PITPNA: variants seen among roughly 807,000 people sequenced by gnomAD.
PITPNA encodes phosphatidylinositol transfer protein alpha isoform.
A neutral mutation model predicts 50.3 loss-of-function variants in PITPNA; 13 were observed. The observed-to-expected ratio is 0.26, with a 90% CI of 0.17 to 0.41. The LOEUF is 0.41. Ranked by LOEUF, PITPNA falls within the 10% of genes least tolerant of loss-of-function variation. The pLI is 1.00. For synonymous variants in PITPNA, 120 were observed against 119.6 expected (o/e 1.00, Z -0.02); for missense variants, 207 against 333.4 (o/e 0.62, Z 2.95).
At chr17:1,524,694 A>C (rs186389027) in intron 10 of PITPNA, among the ~76,000 whole-genome samples, 2 of 152,092 alleles carry the variant, frequency 1.3e-5, no homozygotes, top group African/African-American at 4.8e-5. Flanking sequence ...AAAAATACAA[A>C]AAATATTATC....
At chr17:1,529,351 CCTCT>C (rs753537071) in intron 10 of PITPNA, among the ~76,000 whole-genome samples, 3 of 151,130 alleles carry the variant, frequency 2.0e-5, no homozygotes, top group African/African-American at 7.3e-5. Context: ...GGTGAAACCC[CCTCT>C]CTATTAAAAA....
In PITPNA at chr17:1,562,498, A is replaced by AC. The variant is rs752079767; in HGVS notation, c.20+42dup. ...CGCCGTCGCCCCGGCGGCCGTCCCC[A>AC]CCCTCCCTCCTCCCCGCTTCCGCAC... On this transcript the variant is annotated intron_variant, in intron 1 of 11. Transcript: ENST00000313486. This position sits in a 1 kb window ranked among gnomAD's most constrained non-coding sequence, Gnocchi z 6.4. 5.0e-6 allele frequency: 5 copies of AC among 1,009,044 alleles called. No individual in the cohort carries two copies. The South Asian group carries it at 8.4e-5, about 17-fold the overall frequency. The allele number at this position is 1,009,044 out of a possible 1,614,324, so 62.5% of individuals were successfully genotyped here. A position where few individuals can be genotyped will look rare whatever the true frequency, so the allele number is the denominator to read the frequency against.
chr17:1,529,664 G>A (rs1392927861), intron 10 of PITPNA, among the ~76,000 whole-genome samples: 7 of 151,854 alleles, frequency 4.6e-5, no homozygotes, highest in East Asian at 3.9e-4. Flanking sequence ...AGACCAGCCC[G>A]GGCAACATGG....
chr17:1,536,937 C>T (rs1358455402), intron 7 of PITPNA, among the ~76,000 whole-genome samples: 4 of 135,120 alleles, frequency 3.0e-5, no homozygotes, highest in Admixed American at 1.5e-4. Flanking sequence ...TTCGCTCTGT[C>T]GCCCAGGATG....
At chr17:1,547,465 C>A (rs923000947) in intron 4 of PITPNA, among the ~76,000 whole-genome samples, 36 of 152,100 alleles carry the variant, frequency 2.4e-4, no homozygotes, top group Non-Finnish European at 8.8e-5. Flanking sequence ...GCCTGGCCAA[C>A]ATGGTGAAAC....
intron 2 of PITPNA, among the ~76,000 whole-genome samples, chr17:1,554,085 T>C (rs2075723074): frequency 6.6e-6 from 1 of 152,194 alleles, no homozygotes; most frequent in South Asian, 2.1e-4. Context: ...GATGGGCCAA[T>C]GACCTAGGCA....
At chr17:1,541,493 T>G (rs994084032) in intron 6 of PITPNA, 73 bp downstream of exon 6, 1 of 1,072,148 alleles carries the variant, frequency 9.3e-7, no homozygotes, top group Non-Finnish European at 1.5e-6. Context: ...GAGGACCCCA[T>G]GGTAGCCCTG....
intron 4 of PITPNA, among the ~76,000 whole-genome samples, chr17:1,546,434 C>A (rs760210610): frequency 2.6e-5 from 4 of 152,174 alleles, no homozygotes; most frequent in Non-Finnish European, 4.4e-5. Flanking sequence ...AGAGCAATGA[C>A]CCCGTATTCT....
chr17:1,524,720 G>GCA (rs2075536602), intron 10 of PITPNA, among the ~76,000 whole-genome samples: 1 of 151,880 alleles, frequency 6.6e-6, no homozygotes, highest in Non-Finnish European at 1.5e-5. Flanking sequence ...ATTGTGGCAG[G>GCA]CACCTGTAAT....
chr17:1,524,587 T>A (rs1023711116), intron 10 of PITPNA, among the ~76,000 whole-genome samples: 1 of 152,030 alleles, frequency 6.6e-6, no homozygotes, highest in African/African-American at 2.4e-5. Flanking sequence ...AATAATAAAA[T>A]AGAGATAACA....
intron 10 of PITPNA, among the ~76,000 whole-genome samples, chr17:1,533,742 G>GGTCA (rs2075597791): frequency 6.6e-6 from 1 of 152,202 alleles, no homozygotes; most frequent in Non-Finnish European, 1.5e-5. Context: ...GGTATTCACA[G>GGTCA]GTCAGCCCAG....
chr17:1,528,332 G>A (rs1248497988), intron 10 of PITPNA, among the ~76,000 whole-genome samples: 1 of 152,180 alleles, frequency 6.6e-6, no homozygotes, highest in Non-Finnish European at 1.5e-5. Flanking sequence ...GTAGAGACGG[G>A]GTTTCTCCAT....
intron 10 of PITPNA, among the ~76,000 whole-genome samples, chr17:1,525,743 C>G (rs1376575714): frequency 6.6e-6 from 1 of 152,092 alleles, no homozygotes; most frequent in African/African-American, 2.4e-5. Context: ...GTCTTAAACT[C>G]CCAACCTCAG....
In PITPNA at chr17:1,519,616, A is replaced by C. The variant is rs1017391535; in HGVS notation, c.*945T>G. The C allele has an allele frequency of 4.6e-5, 7 of 152,704 alleles. No homozygotes were observed. The highest frequency in any genetic ancestry group is 1.7e-4 in the African/African-American group (7 of 41,452). The allele number at this position is 152,704 out of a possible 1,614,324, so 9.5% of individuals were successfully genotyped here. A position where few individuals can be genotyped will look rare whatever the true frequency, so the allele number is the denominator to read the frequency against. On this transcript the variant is annotated 3_prime_UTR_variant, in exon 12 of 12. Coordinates refer to ENST00000313486, the MANE Select transcript of PITPNA (RefSeq NM_006224.4). ...GGACTCTTGCTTCCTAACCAGCCTCAAAGACAGAGGACAGGGACCTAAGAA... is the reference window on the plus strand; with the variant it reads ...GGACTCTTGCTTCCTAACCAGCCTCCAAGACAGAGGACAGGGACCTAAGAA...
rs1421648319 is a variant in PITPNA at position 1,562,247 on chromosome 17, C to G, written c.20+294G>C. 6.6e-6 allele frequency among the ~76,000 whole-genome samples: 1 copy of G among 151,736 alleles called. No homozygotes were observed. The highest frequency in any genetic ancestry group is 1.5e-5 in the Non-Finnish European group (1 of 67,874). On this transcript the variant is annotated intron_variant, in intron 1 of 11. Coordinates refer to ENST00000313486, the MANE Select transcript of PITPNA (RefSeq NM_006224.4). This position sits in a 1 kb window ranked among gnomAD's most constrained non-coding sequence, Gnocchi z 6.4. ...TCCGTGCCCGTGGGCCCCTCCATGC[C>G]CCGGCTGCCCGTCCATGCCCCGTGG...
intron 10 of PITPNA, among the ~76,000 whole-genome samples, 189 bp from the exon 11 acceptor site, chr17:1,521,834 A>G (rs1341401356): frequency 6.7e-6 from 1 of 148,856 alleles, no homozygotes; most frequent in Non-Finnish European, 1.5e-5. Flanking sequence ...CTCACCATCC[A>G]TGATTTCTAG....
At chr17:1,520,797 G>C (rs1437231977) in intron 11 of PITPNA, among the ~76,000 whole-genome samples, 1 of 152,186 alleles carries the variant, frequency 6.6e-6, no homozygotes, top group Admixed American at 6.5e-5. Context: ...GTCACTCCTG[G>C]TGAGACCCTG....
intron 5 of PITPNA, 68 bp from the exon 6 acceptor site, chr17:1,541,708 C>A: frequency 1.3e-5 from 13 of 973,530 alleles, no homozygotes; most frequent in Non-Finnish European, 2.0e-5. Flanking sequence ...TCTCCCATTA[C>A]TGGAGATGGG....
At chr17:1,524,137 T>C (rs898926416) in intron 10 of PITPNA, among the ~76,000 whole-genome samples, 27 of 150,270 alleles carry the variant, frequency 1.8e-4, no homozygotes, top group East Asian at 4.0e-4. Flanking sequence ...CTCTGCCTCC[T>C]GGGTTCACGC....
Sources: allele counts gnomAD v4.1 joint callset (sites outside exome capture counted in the v4.1 genomes callset), GRCh38; gene constraint gnomAD v4.1.1; non-coding constraint Gnocchi (gnomAD v3.1); transcripts MANE v1.5; gene names NCBI Gene and HGNC (gene_info 2026-07-23, HGNC 2026-07-21).